Variants in LARGE1 observed in about 807,000 individuals in gnomAD.
LARGE1 encodes LARGE xylosyl- and glucuronyltransferase 1.
A neutral mutation model predicts 87.6 loss-of-function variants in LARGE1; 43 were observed. The ratio of observed to expected loss-of-function variants is 0.49; its 90% CI spans 0.38 to 0.63. The LOEUF (loss-of-function observed/expected upper bound fraction) is 0.63. LARGE1 is among the 30% of genes least tolerant of loss of function. The probability of loss-of-function intolerance (pLI) is 0.00; values close to 1 mark genes in which losing one functional copy is unlikely to be tolerated. For missense variants in LARGE1, 802 were observed against 1,000.2 expected (o/e 0.80, Z 2.67); for synonymous variants, 434 against 394.6 (o/e 1.10, Z -1.18).
intron 6 of LARGE1, among the ~76,000 whole-genome samples, chr22:33,454,039 A>G (rs1263744836): frequency 1.3e-5 from 2 of 152,136 alleles, no homozygotes; most frequent in African/African-American, 4.8e-5. Context: ...CCACTTTCCA[A>G]TTCCTTGCCA....
At chr22:33,819,283 G>A (rs144916160) in intron 1 of LARGE1, among the ~76,000 whole-genome samples, 3 of 151,994 alleles carry the variant, frequency 2.0e-5, no homozygotes, top group Non-Finnish European at 2.9e-5. Context: ...TCTTCATTGC[G>A]CTAATATTCT....
rs527838001 is a variant in LARGE1 at position 33,617,076 on chromosome 22, G to C, written c.491+9168C>G. On this transcript the variant is annotated intron_variant, in intron 4 of 14. Transcript: ENST00000397394. ...TCTGTTTCTGGGCTTCCTTCCCTAG[G>C]GGGATGTGCTAAGCAGTAAATGGTG... Among the ~76,000 whole-genome samples, 4 of 152,294 alleles carry C rather than the reference G, an allele frequency of 2.6e-5. No individual in the cohort carries two copies. The South Asian group carries it at 6.2e-4, about 24-fold the overall frequency.
chr22:33,855,108 G>C (rs1480025271), intron 1 of LARGE1, among the ~76,000 whole-genome samples: 1 of 152,156 alleles, frequency 6.6e-6, no homozygotes, highest in South Asian at 2.1e-4. Context: ...GCCGAGAAGG[G>C]CGGATTATGA....
chr22:33,112,162 G>A, the LARGE1 span, among the ~76,000 whole-genome samples: 1 of 152,232 alleles, frequency 6.6e-6, no homozygotes, highest in Non-Finnish European at 1.5e-5. Context: ...GGCTGGAGCT[G>A]GCAGCCCAGT....
intron 1 of LARGE1, among the ~76,000 whole-genome samples, chr22:33,906,983 T>C (rs769095906): frequency 3.3e-5 from 5 of 151,970 alleles, no homozygotes; most frequent in Non-Finnish European, 7.4e-5. Context: ...AAAGGAGTTA[T>C]AGATAATTCC....
At chr22:33,553,402 A>T (rs182914583) in intron 6 of LARGE1, among the ~76,000 whole-genome samples, 3 of 152,086 alleles carry the variant, frequency 2.0e-5, no homozygotes, top group Non-Finnish European at 2.9e-5. Context: ...TACAGTCCCA[A>T]CTACTCTGGA....
intron 2 of LARGE1, among the ~76,000 whole-genome samples, chr22:33,686,270 C>T (rs950091226): frequency 6.6e-6 from 1 of 151,972 alleles, no homozygotes; most frequent in Admixed American, 6.6e-5. Flanking sequence ...GTCTGACCGC[C>T]CTCTTTCCCT....
At chr22:33,388,731 G>A (rs561412865) in intron 7 of LARGE1, among the ~76,000 whole-genome samples, 22 of 151,828 alleles carry the variant, frequency 1.4e-4, no homozygotes, top group Admixed American at 1.2e-3. Flanking sequence ...ACGCCTGGCT[G>A]ATTTTTTGTA....
chr22:33,681,657 T>C (rs1407141403), intron 2 of LARGE1, among the ~76,000 whole-genome samples: 4 of 152,258 alleles, frequency 2.6e-5, no homozygotes, highest in Non-Finnish European at 5.9e-5. Flanking sequence ...TCCCACTCTA[T>C]ATTAGTCTGA....
At chr22:33,724,777 T>A (rs2083218535) in intron 2 of LARGE1, 1 of 152,280 alleles carries the variant, frequency 6.6e-6, no homozygotes, top group Admixed American at 6.5e-5. Flanking sequence ...CACTTCTAAG[T>A]GTACTGAACA....
intron 6 of LARGE1, among the ~76,000 whole-genome samples, chr22:33,433,414 G>A (rs548396930): frequency 6.6e-6 from 1 of 152,050 alleles, no homozygotes; most frequent in Non-Finnish European, 1.5e-5. Flanking sequence ...GGCTAACACA[G>A]TGAAACCCCA....
At chr22:33,323,206 C>T (rs1254313970) in intron 10 of LARGE1, among the ~76,000 whole-genome samples, 1 of 152,170 alleles carries the variant, frequency 6.6e-6, no homozygotes, top group African/African-American at 2.4e-5. Flanking sequence ...TGCTGTCAGA[C>T]GTACCTGTCC....
chr22:33,820,837 C>T (rs985000744), intron 1 of LARGE1, among the ~76,000 whole-genome samples: 3 of 152,160 alleles, frequency 2.0e-5, no homozygotes, highest in Non-Finnish European at 2.9e-5. Context: ...CCTGCTGCTG[C>T]TCAGGAGACA....
At chr22:33,391,823 G>T (rs773461885) in intron 7 of LARGE1, among the ~76,000 whole-genome samples, 22 of 143,964 alleles carry the variant, frequency 1.5e-4, no homozygotes, top group Non-Finnish European at 3.1e-4. Context: ...AGGCAGGAGT[G>T]CAATGGCGTG....
intron 9 of LARGE1, among the ~76,000 whole-genome samples, chr22:33,375,523 G>A (rs906438849): frequency 2.6e-5 from 4 of 152,008 alleles, no homozygotes; most frequent in Non-Finnish European, 5.9e-5. Context: ...TCTATAGCAG[G>A]ATACAATGGC....
At chr22:33,656,590 G>C (rs1283449348) in intron 2 of LARGE1, among the ~76,000 whole-genome samples, 1 of 152,160 alleles carries the variant, frequency 6.6e-6, no homozygotes, top group Non-Finnish European at 1.5e-5. Context: ...AGAATCCCCT[G>C]CGTGTAAGTG....
At chr22:33,558,668 G>A (rs984698607) in intron 6 of LARGE1, among the ~76,000 whole-genome samples, 4 of 152,232 alleles carry the variant, frequency 2.6e-5, no homozygotes, top group East Asian at 3.9e-4. Flanking sequence ...CAGGCAGGGC[G>A]GCAAGGTAAC....
At chr22:33,826,227 C>A (rs1396728572) in intron 1 of LARGE1, among the ~76,000 whole-genome samples, 1 of 152,080 alleles carries the variant, frequency 6.6e-6, no homozygotes, top group Non-Finnish European at 1.5e-5. Flanking sequence ...ATCTATTACT[C>A]GACTCTTGCA....
At chr22:33,201,108 T>C (rs142574344) in intron 11 of LARGE1, among the ~76,000 whole-genome samples, 4,588 of 152,126 alleles carry the variant, frequency 0.03, 95 homozygotes, top group Admixed American at 0.056. Context: ...CAGGAGTTCG[T>C]GACCAGCCTG....
Sources: gnomAD v4.1 joint callset for allele counts (sites outside exome capture counted in the v4.1 genomes callset) on GRCh38, gnomAD v4.1.1 for gene constraint, MANE v1.5 for transcripts, NCBI Gene and HGNC (gene_info 2026-07-23, HGNC 2026-07-21) for gene names.